The following ULK4 variants were observed in gnomAD, a reference collection of about 807,000 sequenced individuals.
ULK4 encodes unc-51 like kinase 4, also known as inactive serine/threonine-protein kinase ULK4.
A neutral mutation model predicts 160.6 loss-of-function variants in ULK4; 133 were observed. That is an observed-to-expected ratio of 0.83 (90% confidence interval 0.72 to 0.96). ULK4 has a LOEUF of 0.96. Among genes scored for constraint, ULK4 ranks in the 40% least tolerant of loss-of-function variants. The pLI, the probability that ULK4 is intolerant of heterozygous loss-of-function variation, is 0.00. For synonymous variants in ULK4, 534 were observed against 539.8 expected (o/e 0.99, Z 0.15); for missense variants, 1,580 against 1,499.5 (o/e 1.05, Z -0.89).
At chr3:41,613,147 C>T (rs1277615616) in intron 31 of ULK4, among the ~76,000 whole-genome samples, 2 of 152,140 alleles carry the variant, frequency 1.3e-5, no homozygotes, top group African/African-American at 2.4e-5. Flanking sequence ...ATGCTAGACA[C>T]CACCAAGGCC....
At chr3:41,883,148 G>A (rs1388388912) in intron 17 of ULK4, among the ~76,000 whole-genome samples, 1 of 152,158 alleles carries the variant, frequency 6.6e-6, no homozygotes, top group African/African-American at 2.4e-5. Flanking sequence ...TACTATCCCA[G>A]CAATTGGCTG....
chr3:41,463,013 A>G, intron 33 of ULK4, 74 bp downstream of exon 33: 2 of 1,497,506 alleles, frequency 1.3e-6, no homozygotes, highest in Non-Finnish European at 1.8e-6. Flanking sequence ...AGAGGAAGAT[A>G]AGAAAGAAGA....
Position 41,246,786 on chromosome 3 carries a change from G to A in ULK4, c.*143C>T, listed in dbSNP as rs377109022. 5 of 954,090 alleles carry A rather than the reference G, an allele frequency of 5.2e-6. 1 individual carries two copies. The allele number at this position is 954,090 out of a possible 1,614,324, so 59.1% of individuals were successfully genotyped here. ...GGCCCTGGGGTTAGTGAGCACTTGGGCCACCAGGTTCTGGGTTAAGCTGAC... is the reference window on the plus strand; with the variant it reads ...GGCCCTGGGGTTAGTGAGCACTTGGACCACCAGGTTCTGGGTTAAGCTGAC... On this transcript the variant is annotated 3_prime_UTR_variant, in exon 37 of 37. Transcript: ENST00000301831.
At chr3:41,784,933 C>T (rs1002281602) in intron 21 of ULK4, among the ~76,000 whole-genome samples, 2 of 152,178 alleles carry the variant, frequency 1.3e-5, no homozygotes, top group African/African-American at 4.8e-5. Flanking sequence ...ATGAAGTATA[C>T]TGATAATTAA....
intron 32 of ULK4, among the ~76,000 whole-genome samples, chr3:41,502,145 C>T (rs1276009450): frequency 2.6e-5 from 4 of 152,170 alleles, no homozygotes; most frequent in Non-Finnish European, 2.9e-5. Flanking sequence ...GTGAATAATG[C>T]TGCAATAAAT....
At chr3:41,911,238 G>T (rs971876909) in intron 11 of ULK4, 79 bp downstream of exon 11, 2 of 1,375,644 alleles carry the variant, frequency 1.5e-6, no homozygotes, top group Non-Finnish European at 2.0e-6. Flanking sequence ...GTGTAACAAA[G>T]TTTGCACCAA....
chr3:41,427,595 G>A (rs2082806369), intron 34 of ULK4, among the ~76,000 whole-genome samples: 1 of 152,126 alleles, frequency 6.6e-6, no homozygotes, highest in Non-Finnish European at 1.5e-5. Context: ...CTTCATCCCT[G>A]GGATGCAAGG....
intron 27 of ULK4, among the ~76,000 whole-genome samples, chr3:41,699,299 T>C (rs925835742): frequency 6.6e-6 from 1 of 152,204 alleles, no homozygotes; most frequent in Non-Finnish European, 1.5e-5. Flanking sequence ...AGATTATTCA[T>C]TATTTATTAG....
intron 32 of ULK4, among the ~76,000 whole-genome samples, chr3:41,522,747 C>A (rs183238740): frequency 1.3e-5 from 2 of 152,078 alleles, no homozygotes; most frequent in South Asian, 4.1e-4. Context: ...TCTGTTAAAT[C>A]CAAATTATGG....
At chr3:41,920,011 T>C (rs1251184362) in intron 5 of ULK4, among the ~76,000 whole-genome samples, 193 bp from the exon 6 acceptor site, 1 of 152,154 alleles carries the variant, frequency 6.6e-6, no homozygotes, top group East Asian at 1.9e-4. Flanking sequence ...TGTGTGTGAA[T>C]ATAAAAAAGT....
chr3:41,814,058 G>GT (rs2040894450), intron 19 of ULK4, among the ~76,000 whole-genome samples: 1 of 152,192 alleles, frequency 6.6e-6, no homozygotes, highest in African/African-American at 2.4e-5. Flanking sequence ...CACACACAAT[G>GT]TAGCATTTTC....
intron 22 of ULK4, among the ~76,000 whole-genome samples, chr3:41,726,401 C>G (rs1395403202): frequency 6.6e-6 from 1 of 152,156 alleles, no homozygotes; most frequent in African/African-American, 2.4e-5. Flanking sequence ...GACAAGAGAA[C>G]ATTATTTTCT....
chr3:41,362,153 C>T (rs2081159119), intron 35 of ULK4, among the ~76,000 whole-genome samples: 1 of 152,144 alleles, frequency 6.6e-6, no homozygotes, highest in South Asian at 2.1e-4. Context: ...TTGAGTCTAG[C>T]AAGTTTATTT....
chr3:41,478,895 G>A (rs148294170), intron 32 of ULK4, among the ~76,000 whole-genome samples: 162 of 152,288 alleles, frequency 1.1e-3, no homozygotes, highest in African/African-American at 3.7e-3. Flanking sequence ...TTAGCTCAAC[G>A]TTACATAAAC....
chr3:41,515,925 C>T (rs1286065564), intron 32 of ULK4, among the ~76,000 whole-genome samples: 1 of 152,156 alleles, frequency 6.6e-6, no homozygotes, highest in Non-Finnish European at 1.5e-5. Flanking sequence ...TGAACACTGT[C>T]TGAGAAGGGA....
rs1325267759 is a variant in ULK4 at position 41,300,882 on chromosome 3, T to C, written c.3679-51308A>G. Among the ~76,000 whole-genome samples the C allele has an allele frequency of 7.9e-5, 10 of 126,600 alleles. No homozygotes were observed. In the East Asian group the frequency reaches 1.9e-3, roughly 24 times the overall value. 83.1% of individuals were successfully genotyped at this position (126,600 alleles called of 152,430 possible). ...ATATATATATATATATATATATATA[T>C]ATATTTGGTATCTTGCTGGTCTAGA... On this transcript the variant is annotated intron_variant, in intron 35 of 36. Coordinates refer to ENST00000301831, the MANE Select transcript of ULK4 (RefSeq NM_017886.4).
rs1246097914 is a variant in ULK4 at position 41,705,122 on chromosome 3, T to A, written c.2716A>T (p.Ile906Phe). Residue 906 changes from isoleucine to phenylalanine, a missense_variant, in exon 27 of 37, where the codon ATC (isoleucine) becomes TTC (phenylalanine). Transcript: ENST00000301831. ...GLTASEEFIK[I>F]TLSAFEAIIQ... The stretch of plus-strand genomic sequence containing the variant: ...ATTGCTTCAAAAGCTGACAATGTGA[T>A]CTTGATAAATTCTTCTGATGCTGTC... 1 of 1,613,974 alleles carries A rather than the reference T, an allele frequency of 6.2e-7. No individual in the cohort carries two copies. Among genetic ancestry groups the A allele is most frequent in the South Asian group, 1.1e-5 (1 of 91,030 alleles).
At chr3:41,348,620 G>C (rs1466701571) in intron 35 of ULK4, among the ~76,000 whole-genome samples, 1 of 152,070 alleles carries the variant, frequency 6.6e-6, no homozygotes, top group Non-Finnish European at 1.5e-5. Context: ...AAATATAACT[G>C]AGCACATACA....
intron 36 of ULK4, among the ~76,000 whole-genome samples, chr3:41,248,784 G>C (rs2078690764): frequency 6.6e-6 from 1 of 152,230 alleles, no homozygotes; most frequent in South Asian, 2.1e-4. Context: ...CTGAGCATCA[G>C]CGTCTCTGTG....
Sources: gnomAD v4.1 joint callset for allele counts (sites outside exome capture counted in the v4.1 genomes callset) on GRCh38, gnomAD v4.1.1 for gene constraint, MANE v1.5 for transcripts, NCBI Gene and HGNC (gene_info 2026-07-23, HGNC 2026-07-21) for gene names.